Variants in ZNF75A observed in about 807,000 individuals in gnomAD.
ZNF75A encodes the protein zinc finger protein 75A.
Under a neutral mutation model 46.3 loss-of-function variants are expected in ZNF75A, and 36 were observed. The observed-to-expected ratio is 0.78, with a 90% confidence interval of 0.60 to 1.03. The LOEUF (loss-of-function observed/expected upper bound fraction) is 1.03, where lower values mean the gene tolerates loss of function less well. Among genes scored for constraint, ZNF75A ranks in the 50% least tolerant of loss-of-function variants. ZNF75A has a pLI of 0.00. For synonymous variants in ZNF75A, 234 were observed against 189.9 expected (o/e 1.23, Z -1.91); for missense variants, 595 against 551.3 (o/e 1.08, Z -0.79).
At position 3,317,417 on chromosome 16, in the gene ZNF75A, C is replaced by G. The variant is rs1305661493; in HGVS notation, c.1162C>G (p.Leu388Val). Residue 388 changes from leucine to valine, a missense_variant, in exon 7 of 7, where the codon CTT becomes GTT. Leu to Val is a conservative substitution (Grantham distance 32). Transcript: ENST00000669516. The stretch of plus-strand genomic sequence containing the variant: ...AACCTGGAAACAAGAGCTGCTCAAA[C>G]TTATGGATCGTCACAAGAAAGATTG... ...LSTWKQELLK[L>V]MDRHKKDCAR... 1.2e-6 allele frequency: 2 copies of G among 1,614,168 alleles called. No individual in the cohort carries two copies. Among genetic ancestry groups the G allele is most frequent in the Non-Finnish European group, 1.7e-6 (2 of 1,180,042 alleles).
downstream of ZNF75A, among the ~76,000 whole-genome samples, chr16:3,320,156 C>T (rs1191697142): frequency 6.6e-6 from 1 of 152,164 alleles, no homozygotes; most frequent in Non-Finnish European, 1.5e-5. Context: ...TGCCATTCTC[C>T]TGCCTCAGCC....
chr16:3,306,154 C>T (rs1960209389), intron 1 of ZNF75A: 1 of 152,172 alleles, frequency 6.6e-6, no homozygotes, highest in Admixed American at 6.5e-5. Context: ...GGTGCCGTTT[C>T]TGCTGGCTCA....
At chr16:3,313,267 G>T (rs878996038) in intron 5 of ZNF75A, 92 bp downstream of exon 5, 1 of 1,350,584 alleles carries the variant, frequency 7.4e-7, no homozygotes, top group African/African-American at 1.5e-5. Flanking sequence ...ACTGTTCCAG[G>T]AGCTGGTTGA....
downstream of ZNF75A, among the ~76,000 whole-genome samples, chr16:3,322,580 A>C (rs528482048): frequency 5.3e-5 from 8 of 152,332 alleles, no homozygotes; most frequent in Non-Finnish European, 1.0e-4. Context: ...TAAGAAAACT[A>C]TCTGAATCAC....
chr16:3,317,925 A>G lies in ZNF75A; in HGVS notation c.*56A>G, dbSNP rs1961354431. ...AGACATTCACCAAATGGAGCTTGGCACTAAAATTTATGTAAAAGAAAAATC... is the reference window on the plus strand; with the variant it reads ...AGACATTCACCAAATGGAGCTTGGCGCTAAAATTTATGTAAAAGAAAAATC... On this transcript the variant is annotated 3_prime_UTR_variant, in exon 7 of 7. Coordinates refer to ENST00000669516, the MANE Select transcript of ZNF75A (RefSeq NM_001302109.2). 1 of 1,504,780 alleles carries G rather than the reference A, an allele frequency of 6.6e-7. No individual in the cohort carries two copies. Among genetic ancestry groups the G allele is most frequent in the East Asian group, 2.3e-5 (1 of 43,312 alleles). 93.2% of individuals were successfully genotyped at this position (1,504,780 alleles called of 1,614,324 possible).
chr16:3,306,932 A>T (rs1257962868), intron 1 of ZNF75A: 1 of 151,672 alleles, frequency 6.6e-6, no homozygotes, highest in Non-Finnish European at 1.5e-5. Context: ...AGAAATAAAC[A>T]GTTCATAAGT....
rs139441518 is a variant in ZNF75A at position 3,311,496 on chromosome 16, G to A, written c.409-257G>A. 2.2e-3 allele frequency: 340 copies of A among 151,624 alleles called. 1 individual carries two copies. Among genetic ancestry groups the A allele is most frequent in the South Asian group, 4.0e-3 (19 of 4,772 alleles). 9.4% of individuals were successfully genotyped at this position (151,624 alleles called of 1,614,324 possible). A position where few individuals can be genotyped will look rare whatever the true frequency, so the allele number is the denominator to read the frequency against. On this transcript the variant is annotated intron_variant, in intron 2 of 6. Coordinates refer to ENST00000669516, the MANE Select transcript of ZNF75A (RefSeq NM_001302109.2). ...CCCTGCCAGTGGCCTGACCTAGACC[G>A]TATACAGAGGAGTAGAAGCTGCTGT...
chr16:3,315,136 G>T, intron 5 of ZNF75A: 1 of 950,528 alleles, frequency 1.1e-6, no homozygotes, highest in Non-Finnish European at 1.3e-6. Flanking sequence ...TCCCATCTCA[G>T]TAAGGGGCAT....
downstream of ZNF75A, among the ~76,000 whole-genome samples, chr16:3,322,450 C>G (rs2029978884): frequency 6.6e-6 from 1 of 152,226 alleles, no homozygotes; most frequent in South Asian, 2.1e-4. Flanking sequence ...TAAGGCTTTT[C>G]TCCTGTACGA....
In ZNF75A at chr16:3,317,205, A is replaced by C. The variant is rs371525177; in HGVS notation, c.950A>C (p.Asn317Thr). The change falls in exon 7 of 7, where the codon AAC becomes ACC. Residue 317 changes from asparagine (N) to threonine (T), a missense_variant. By Grantham distance (65) the Asn-to-Thr change is moderately conservative (BLOSUM62 0). Transcript: ENST00000669516. ...ATTCCAACAGGGTTAAAGCTCAAAA[A>C]CGACACTGAAAATCATCAGCCTGTG... Reference protein sequence around the residue: ...GKSPTGLKLKNDTENHQPVSL... With the variant: ...GKSPTGLKLKTDTENHQPVSL... 6.2e-7 allele frequency: 1 copy of C among 1,610,836 alleles called. No homozygotes were observed. The highest frequency in any genetic ancestry group is 1.3e-5 in the African/African-American group (1 of 74,608).
At chr16:3,319,376 A>G (rs1961438309), downstream of ZNF75A, among the ~76,000 whole-genome samples, 1 of 152,100 alleles carries the variant, frequency 6.6e-6, no homozygotes, top group Non-Finnish European at 1.5e-5. Context: ...CGGCCTCCCA[A>G]AGTGCTGGGA....
chr16:3,315,101 C>G, intron 5 of ZNF75A: 1 of 984,928 alleles, frequency 1.0e-6, no homozygotes, highest in Non-Finnish European at 1.2e-6. Context: ...CTTTCCCTTT[C>G]CCCAAACCTT....
intron 5 of ZNF75A, among the ~76,000 whole-genome samples, chr16:3,314,288 G>C (rs544412326): frequency 3.3e-4 from 51 of 152,278 alleles, no homozygotes; most frequent in African/African-American, 1.2e-3. Flanking sequence ...AATATCCTCT[G>C]GCTCTTTTCC....
intron 2 of ZNF75A, chr16:3,310,493 C>T (rs1960674534): frequency 1.2e-5 from 2 of 163,154 alleles, no homozygotes; most frequent in African/African-American, 2.4e-5. Flanking sequence ...GGCATGGTGG[C>T]GTGTGCCTGT....
intron 4 of ZNF75A, 62 bp downstream of exon 4, chr16:3,312,830 C>T: frequency 2.5e-6 from 3 of 1,220,648 alleles, no homozygotes; most frequent in Non-Finnish European, 1.1e-6. Context: ...TTAATACTGT[C>T]CAGGAGGGGT....
At position 3,311,833 on chromosome 16, in the gene ZNF75A, A is replaced by G; in HGVS notation, c.489A>G (p.Thr163=). The G allele has an allele frequency of 9.6e-7, 1 of 1,047,054 alleles. No individual in the cohort carries two copies. Among genetic ancestry groups the G allele is most frequent in the Non-Finnish European group, 1.2e-6 (1 of 861,600 alleles). 64.9% of individuals were successfully genotyped at this position (1,047,054 alleles called of 1,614,324 possible). A position where few individuals can be genotyped will look rare whatever the true frequency, so the allele number is the denominator to read the frequency against. The change falls in exon 3 of 7, where the codon ACA becomes ACG. Residue 163 remains threonine (T), a synonymous_variant. Coordinates refer to ENST00000669516, the MANE Select transcript of ZNF75A (RefSeq NM_001302109.2). ...CCTCAAGTTTCGGGCTGAAGCCAAC[A>G]GAGTCCCAACCAGTGGGCGTATCCC... The part of the protein sequence containing the change: ...AEASSFGLKP[T]ESQPVGVSQD...
chr16:3,311,822 C>T lies in ZNF75A; in HGVS notation c.478C>T (p.Leu160=). The change falls in exon 3 of 7, where the codon CTG becomes TTG. Residue 160 remains leucine, a synonymous_variant. Coordinates refer to ENST00000669516, the MANE Select transcript of ZNF75A (RefSeq NM_001302109.2). ...AACAGCAGAGGCCTCAAGTTTCGGGCTGAAGCCAACAGAGTCCCAACCAGT... is the reference window on the plus strand; with the variant it reads ...AACAGCAGAGGCCTCAAGTTTCGGGTTGAAGCCAACAGAGTCCCAACCAGT... ...GETAEASSFG[L]KPTESQPVGV... The T allele has an allele frequency of 9.5e-7, 1 of 1,048,332 alleles. No homozygotes were observed. Among genetic ancestry groups the T allele is most frequent in the South Asian group, 3.5e-5 (1 of 28,762 alleles). 64.9% of individuals were successfully genotyped at this position (1,048,332 alleles called of 1,614,324 possible).
chr16:3,311,877 A>G lies in ZNF75A; in HGVS notation c.533A>G (p.Asn178Ser). 1 of 1,013,716 alleles carries G rather than the reference A, an allele frequency of 9.9e-7. No homozygotes were observed. Among genetic ancestry groups the G allele is most frequent in the Non-Finnish European group, 1.2e-6 (1 of 844,254 alleles). 62.8% of individuals were successfully genotyped at this position (1,013,716 alleles called of 1,614,324 possible). A position where few individuals can be genotyped will look rare whatever the true frequency, so the allele number is the denominator to read the frequency against. ...VGVSQDEEFW[N>S]TYEGLQEQLS... ...GTATCCCAAGATGAAGAATTTTGGA[A>G]TACATACGAGGGTCTGCAAGAACAG... Residue 178 changes from asparagine (N) to serine (S), a missense_variant, in exon 3 of 7, where the codon AAT (asparagine) becomes AGT (serine). Transcript: ENST00000669516.
intron 5 of ZNF75A, chr16:3,314,883 T>TC (rs1380741460): frequency 1.0e-6 from 1 of 985,296 alleles, no homozygotes; most frequent in Non-Finnish European, 1.2e-6. Flanking sequence ...GTAAAGATTC[T>TC]CCCTTCTTTT....
Sources: allele counts gnomAD v4.1 joint callset (sites outside exome capture counted in the v4.1 genomes callset), GRCh38; gene constraint gnomAD v4.1.1; transcripts MANE v1.5; gene names NCBI Gene and HGNC (gene_info 2026-07-23, HGNC 2026-07-21).